CSMD1: variants seen among roughly 807,000 people sequenced by gnomAD.
CSMD1 encodes the protein CUB and sushi domain-containing protein 1.
Under a neutral mutation model 417.5 loss-of-function variants are expected in CSMD1, and 213 were observed. That is an observed-to-expected ratio of 0.51 (90% CI 0.46 to 0.57). The LOEUF (loss-of-function observed/expected upper bound fraction) is 0.57. CSMD1 is among the 20% of genes least tolerant of loss of function. The pLI, the probability that CSMD1 is intolerant of heterozygous loss-of-function variation, is 0.00. For synonymous variants in CSMD1, 2,862 were observed against 1,736.8 expected (o/e 1.65, Z -16.11); for missense variants, 6,923 against 4,529.7 (o/e 1.53, Z -15.17).
intron 2 of CSMD1, among the ~76,000 whole-genome samples, chr8:4,597,388 C>T (rs1046442472): frequency 4.6e-5 from 7 of 152,090 alleles, no homozygotes; most frequent in Middle Eastern, 3.2e-3. Context: ...GTATGTTGAC[C>T]TGACCAAGGT....
At chr8:3,717,319 T>C (rs1425517032) in intron 6 of CSMD1, among the ~76,000 whole-genome samples, 1 of 152,246 alleles carries the variant, frequency 6.6e-6, no homozygotes, top group African/African-American at 2.4e-5. Flanking sequence ...AACTTGTATG[T>C]CAGTTGTTTA....
intron 12 of CSMD1, among the ~76,000 whole-genome samples, chr8:3,451,663 C>G (rs1412386133): frequency 6.6e-6 from 1 of 152,008 alleles, no homozygotes; most frequent in African/African-American, 2.4e-5. Flanking sequence ...CTGTTCTGTT[C>G]CATTGGTCTA....
rs548826533 is a variant in CSMD1, at chr8:3,205,509, T to C, written c.4979A>G (p.Glu1660Gly). 1 of 1,505,374 alleles carries C rather than the reference T, an allele frequency of 6.6e-7. No individual in the cohort carries two copies. Among genetic ancestry groups the C allele is most frequent in the Non-Finnish European group, 9.1e-7 (1 of 1,097,626 alleles). 93.3% of individuals were successfully genotyped at this position (1,505,374 alleles called of 1,614,324 possible). ...ICLYSITVPK[E>G]FVVFGQFAYF... ...AAATACAAGGACATCCTTACCGAATTCCTTTGGTACCGTGATGGAATAGAG... is the reference window on the plus strand; with the variant it reads ...AAATACAAGGACATCCTTACCGAATCCCTTTGGTACCGTGATGGAATAGAG... Residue 1660 changes from glutamate to glycine, a missense_variant, in exon 31 of 70, where the codon GAA becomes GGA. By Grantham distance (98) the Glu-to-Gly change is moderately conservative (BLOSUM62 -2). Transcript: ENST00000635120.
chr8:4,349,776 ATATT>A (rs1335230358), intron 3 of CSMD1, among the ~76,000 whole-genome samples: 12 of 151,716 alleles, frequency 7.9e-5, no homozygotes, highest in South Asian at 2.1e-4. Context: ...CTCCATTAAG[ATATT>A]TATTTGTCTC....
intron 1 of CSMD1, among the ~76,000 whole-genome samples, chr8:4,739,679 C>T (rs1256519053): frequency 3.9e-5 from 6 of 152,278 alleles, no homozygotes; most frequent in East Asian, 1.9e-4. Context: ...TTGTGTCTAT[C>T]ACTTTTTGTC....
chr8:4,666,394 A>C (rs1268616312), intron 1 of CSMD1, among the ~76,000 whole-genome samples: 1 of 152,178 alleles, frequency 6.6e-6, no homozygotes, highest in Non-Finnish European at 1.5e-5. Context: ...CAACATGATA[A>C]GGACTCAATC....
intron 12 of CSMD1, among the ~76,000 whole-genome samples, chr8:3,443,223 C>T (rs1032398881): frequency 2.0e-5 from 3 of 152,104 alleles, no homozygotes; most frequent in African/African-American, 2.4e-5. Flanking sequence ...CAGACTATTT[C>T]TTATAGCAAA....
At chr8:3,663,171 G>A (rs1178133767) in intron 7 of CSMD1, among the ~76,000 whole-genome samples, 2 of 152,094 alleles carry the variant, frequency 1.3e-5, no homozygotes, top group Non-Finnish European at 2.9e-5. Flanking sequence ...AAAGGCTGGT[G>A]CATTTTCATT....
Position 3,223,169 on chromosome 8 carries a change from T to C in CSMD1, c.4484+560A>G, listed in dbSNP as rs562405441. ...ATTTAAAGAGTTTATTTTCATAAAA[T>C]GACTACAGTATTAGACCTTCCATCG... On this transcript the variant is annotated intron_variant, in intron 28 of 69. Transcript: ENST00000635120. Among the ~76,000 whole-genome samples the C allele has an allele frequency of 9.6e-4, 146 of 152,342 alleles. 1 individual carries two copies. The highest frequency in any genetic ancestry group is 3.4e-3 in the Middle Eastern group (1 of 294).
intron 30 of CSMD1, among the ~76,000 whole-genome samples, chr8:3,214,289 C>G (rs941554204): frequency 3.7e-4 from 56 of 152,200 alleles, no homozygotes; most frequent in African/African-American, 1.3e-3. Context: ...AAAAATATTG[C>G]TCCTCCCAGA....
intron 26 of CSMD1, among the ~76,000 whole-genome samples, chr8:3,251,448 G>A (rs959247712): frequency 6.6e-6 from 1 of 152,182 alleles, no homozygotes; most frequent in Non-Finnish European, 1.5e-5. Context: ...CCAGTATCAT[G>A]CTGTTTTGGT....
At chr8:3,521,525 G>C (rs1017487623) in intron 10 of CSMD1, among the ~76,000 whole-genome samples, 1 of 152,108 alleles carries the variant, frequency 6.6e-6, no homozygotes, top group Non-Finnish European at 1.5e-5. Flanking sequence ...ATCTGCCTGA[G>C]TATCTTATCT....
Position 3,761,184 on chromosome 8 carries a change from G to A in CSMD1, c.819-7142C>T, listed in dbSNP as rs202061440. The stretch of plus-strand genomic sequence containing the variant: ...TTCCAAGTCTTATTTTGGACATTAG[G>A]AAAAGCGACAATGAACTCTCATATT... On this transcript the variant is annotated intron_variant, in intron 5 of 69. Coordinates refer to ENST00000635120, the MANE Select transcript of CSMD1 (RefSeq NM_033225.6). 5.8e-4 allele frequency among the ~76,000 whole-genome samples: 88 copies of A among 152,036 alleles called. 1 individual carries two copies. The East Asian group carries it at 0.011, about 18-fold the overall frequency.
At chr8:3,709,801 A>C (rs1801403872) in intron 6 of CSMD1, among the ~76,000 whole-genome samples, 1 of 145,208 alleles carries the variant, frequency 6.9e-6, no homozygotes, top group Non-Finnish European at 1.5e-5. Flanking sequence ...CGGTCTTGTC[A>C]GCTTCATAAT....
rs540596230 is a variant in CSMD1 at position 3,236,758 on chromosome 8, A to T, written c.4154-6527T>A. 2.0e-5 allele frequency among the ~76,000 whole-genome samples: 3 copies of T among 152,156 alleles called. No homozygotes were observed. In the East Asian group the frequency reaches 5.8e-4, roughly 29 times the overall value. On this transcript the variant is annotated intron_variant, in intron 26 of 69. Coordinates refer to ENST00000635120, the MANE Select transcript of CSMD1 (RefSeq NM_033225.6). ...CTTAAATATGTTTTCTGCAAATTGG[A>T]TTTTTTGCTGACTCTGAAGGTTTCT...
At chr8:3,615,902 T>C (rs1802113664) in intron 8 of CSMD1, among the ~76,000 whole-genome samples, 1 of 152,144 alleles carries the variant, frequency 6.6e-6, no homozygotes, top group Admixed American at 6.6e-5. Flanking sequence ...CTCACTGAAA[T>C]AAGTGCAAAA....
chr8:4,761,885 ATCTACCTACCT>A (rs1563319259), intron 1 of CSMD1, among the ~76,000 whole-genome samples: 44 of 76,240 alleles, frequency 5.8e-4, no homozygotes, highest in African/African-American at 1.9e-3. Flanking sequence ...CTATCTATCT[ATCTACCTACCT>A]ATCTATCTAT....
intron 2 of CSMD1, among the ~76,000 whole-genome samples, chr8:4,593,413 A>G (rs1035108269): frequency 2.6e-5 from 4 of 152,182 alleles, no homozygotes; most frequent in African/African-American, 9.7e-5. Context: ...TTTTGGCATA[A>G]TGTTTCATTC....
At chr8:4,716,352 T>A (rs561312184) in intron 1 of CSMD1, among the ~76,000 whole-genome samples, 9 of 152,298 alleles carry the variant, frequency 5.9e-5, no homozygotes, top group East Asian at 1.9e-4. Flanking sequence ...AAAACAGGCA[T>A]GACATCAAGT....
Sources: allele counts gnomAD v4.1 joint callset (sites outside exome capture counted in the v4.1 genomes callset), GRCh38; gene constraint gnomAD v4.1.1; transcripts MANE v1.5; gene names NCBI Gene and HGNC (gene_info 2026-07-23, HGNC 2026-07-21).